The following TMEFF2 variants were observed in gnomAD, a reference collection of about 807,000 sequenced individuals.
TMEFF2 encodes the protein tomoregulin-2.
A neutral mutation model predicts 53.8 loss-of-function variants in TMEFF2; 28 were observed. The observed-to-expected ratio is 0.52, with a 90% confidence interval of 0.39 to 0.71. TMEFF2 has a LOEUF of 0.71. Ranked by LOEUF, TMEFF2 falls within the 30% of genes least tolerant of loss-of-function variation. The probability of loss-of-function intolerance (pLI) is 0.00; values close to 1 mark genes in which losing one functional copy is unlikely to be tolerated. For missense variants in TMEFF2, 353 were observed against 455.2 expected, an observed-to-expected ratio of 0.78 and a Z score of 2.04; for synonymous variants, 162 against 166.3, an observed-to-expected ratio of 0.97 and a Z score of 0.20.
At chr2:192,154,298 G>C (rs1690455523) in intron 4 of TMEFF2, among the ~76,000 whole-genome samples, 1 of 151,994 alleles carries the variant, frequency 6.6e-6, no homozygotes, top group Admixed American at 6.6e-5. Context: ...GAATAGTTCA[G>C]GGTTGGTGTG....
intron 4 of TMEFF2, among the ~76,000 whole-genome samples, chr2:192,136,710 C>T (rs772108885): frequency 1.3e-5 from 2 of 152,132 alleles, no homozygotes; most frequent in Admixed American, 1.3e-4. Flanking sequence ...TCCTTTCCCT[C>T]TCTCTCCACA....
intron 4 of TMEFF2, among the ~76,000 whole-genome samples, chr2:192,156,012 T>C (rs771210542): frequency 3.7e-5 from 5 of 134,056 alleles, no homozygotes; most frequent in Non-Finnish European, 8.6e-5. Flanking sequence ...AGAGGAACAT[T>C]TGAAAAAAAA....
At chr2:191,968,544 C>T (rs940612559) in intron 7 of TMEFF2, among the ~76,000 whole-genome samples, 24 of 152,266 alleles carry the variant, frequency 1.6e-4, no homozygotes, top group African/African-American at 5.5e-4. Context: ...GCTCTTTAGA[C>T]CAGAGTTTCC....
chr2:192,052,235 G>C (rs1459400437), intron 5 of TMEFF2, among the ~76,000 whole-genome samples: 2 of 152,168 alleles, frequency 1.3e-5, no homozygotes, highest in Admixed American at 1.3e-4. Context: ...TCTTAAACCT[G>C]TGCACCTGTG....
intron 5 of TMEFF2, among the ~76,000 whole-genome samples, chr2:192,048,283 A>G (rs1687672897): frequency 6.6e-6 from 1 of 151,302 alleles, no homozygotes; most frequent in African/African-American, 2.4e-5. Flanking sequence ...TCACCAAATA[A>G]CTCACCCTCA....
intron 4 of TMEFF2, among the ~76,000 whole-genome samples, chr2:192,132,850 G>C (rs570311931): frequency 6.6e-6 from 1 of 152,306 alleles, no homozygotes; most frequent in African/African-American, 2.4e-5. Context: ...CTGGCCCAAG[G>C]CTCTTTGACC....
In TMEFF2 at chr2:192,046,350, C is replaced by T. The variant is rs149389597; in HGVS notation, c.536+11329G>A. 1.0e-3 allele frequency among the ~76,000 whole-genome samples: 153 copies of T among 151,658 alleles called. 1 individual carries two copies. In the East Asian group the frequency reaches 0.022, roughly 21 times the overall value. ...CTGCACTTCAGCCTGGGTGACGGAG[C>T]GAGACACTGTCTCAAAGAAAAAAAA... On this transcript the variant is annotated intron_variant, in intron 5 of 9. Transcript: ENST00000272771.
chr2:192,111,029 T>C (rs547153711), intron 4 of TMEFF2, among the ~76,000 whole-genome samples: 3 of 152,352 alleles, frequency 2.0e-5, no homozygotes, highest in African/African-American at 7.2e-5. Flanking sequence ...GTGTAACTGT[T>C]AGTCCGTTAA....
intron 7 of TMEFF2, among the ~76,000 whole-genome samples, chr2:191,971,030 T>C (rs1167578058): frequency 6.6e-6 from 1 of 152,240 alleles, no homozygotes; most frequent in Admixed American, 6.5e-5. Flanking sequence ...GATTCATTTT[T>C]TTTTCTTCCC....
At chr2:192,045,748 C>T (rs1687604070) in intron 5 of TMEFF2, among the ~76,000 whole-genome samples, 1 of 152,194 alleles carries the variant, frequency 6.6e-6, no homozygotes, top group Non-Finnish European at 1.5e-5. Context: ...CCTAATATGG[C>T]ACCAATCCTC....
At chr2:192,164,195 C>A (rs1690699084) in intron 4 of TMEFF2, among the ~76,000 whole-genome samples, 1 of 152,192 alleles carries the variant, frequency 6.6e-6, no homozygotes, top group African/African-American at 2.4e-5. Context: ...CTTCCCTACT[C>A]TCCTCTTCTA....
At chr2:192,026,218 C>T (rs1686967253) in intron 5 of TMEFF2, among the ~76,000 whole-genome samples, 1 of 152,104 alleles carries the variant, frequency 6.6e-6, no homozygotes, top group Admixed American at 6.5e-5. Context: ...AACAGGCCAC[C>T]AGTCACTTGG....
chr2:192,003,099 C>T (rs767048967), intron 5 of TMEFF2, among the ~76,000 whole-genome samples: 4 of 152,142 alleles, frequency 2.6e-5, no homozygotes, highest in Non-Finnish European at 4.4e-5. Context: ...ATCCCCAACC[C>T]GCCCAATATC....
chr2:192,101,995 T>A (rs1055444635), intron 4 of TMEFF2, among the ~76,000 whole-genome samples: 1 of 152,150 alleles, frequency 6.6e-6, no homozygotes. Flanking sequence ...AGATTCTACA[T>A]ATAAAGCATA....
At chr2:192,026,187 A>G (rs1215959542) in intron 5 of TMEFF2, among the ~76,000 whole-genome samples, 1 of 152,162 alleles carries the variant, frequency 6.6e-6, no homozygotes, top group Non-Finnish European at 1.5e-5. Context: ...CATTAGCCCA[A>G]TAGGCGTTTT....
intron 4 of TMEFF2, among the ~76,000 whole-genome samples, chr2:192,062,472 C>T (rs1261358126): frequency 6.6e-6 from 1 of 152,134 alleles, no homozygotes; most frequent in African/African-American, 2.4e-5. Context: ...AGCTGCTGTA[C>T]AAATCCTTGT....
chr2:191,997,255 T>G (rs6731751), intron 7 of TMEFF2, among the ~76,000 whole-genome samples: 109,595 of 151,696 alleles, frequency 0.72, 40,488 homozygotes, highest in East Asian at 0.91. Context: ...TGAAAAACAT[T>G]AAGATAAAAT....
intron 7 of TMEFF2, among the ~76,000 whole-genome samples, chr2:191,974,608 T>C (rs1692746660): frequency 6.6e-6 from 1 of 152,202 alleles, no homozygotes; most frequent in South Asian, 2.1e-4. Context: ...CTGGTCTTTT[T>C]ACTATGTATA....
At chr2:191,998,024 G>A (rs925133677) in intron 7 of TMEFF2, among the ~76,000 whole-genome samples, 11 of 151,952 alleles carry the variant, frequency 7.2e-5, no homozygotes, top group African/African-American at 2.2e-4. Flanking sequence ...GTAAAGACAA[G>A]CTAATTATAT....
Sources: allele counts gnomAD v4.1 joint callset (sites outside exome capture counted in the v4.1 genomes callset), GRCh38; gene constraint gnomAD v4.1.1; transcripts MANE v1.5; gene names NCBI Gene and HGNC (gene_info 2026-07-23, HGNC 2026-07-21).